KCNH5: variants seen among roughly 807,000 people sequenced by gnomAD.
KCNH5 encodes voltage-gated delayed rectifier potassium channel KCNH5.
A neutral mutation model predicts 96.1 loss-of-function variants in KCNH5; 46 were observed. The ratio of observed to expected loss-of-function variants is 0.48; its 90% CI spans 0.38 to 0.61. The LOEUF is 0.61. Ranked by LOEUF, KCNH5 falls within the 20% of genes least tolerant of loss-of-function variation. The pLI, the probability that KCNH5 is intolerant of heterozygous loss-of-function variation, is 0.00. For synonymous variants in KCNH5, 439 were observed against 449.8 expected (o/e 0.98, Z 0.30); for missense variants, 907 against 1,225.8 (o/e 0.74, Z 3.88).
intron 2 of KCNH5, among the ~76,000 whole-genome samples, chr14:63,014,363 T>C (rs559696954): frequency 2.0e-5 from 3 of 152,178 alleles, no homozygotes; most frequent in African/African-American, 7.2e-5. Flanking sequence ...CACTGTCTTG[T>C]GTCCTGTTGT....
chr14:62,901,925 G>A (rs948717543), intron 7 of KCNH5, among the ~76,000 whole-genome samples: 1 of 152,114 alleles, frequency 6.6e-6, no homozygotes, highest in African/African-American at 2.4e-5. Flanking sequence ...TCTGACTGGT[G>A]TGAGATGGTG....
At chr14:62,966,001 T>C (rs770014163) in intron 6 of KCNH5, among the ~76,000 whole-genome samples, 3 of 152,166 alleles carry the variant, frequency 2.0e-5, no homozygotes, top group Non-Finnish European at 4.4e-5. Context: ...TTCCATGATA[T>C]AGACCTCTTA....
intron 4 of KCNH5, among the ~76,000 whole-genome samples, chr14:62,988,953 C>T (rs1280292405): frequency 6.6e-6 from 1 of 151,896 alleles, no homozygotes; most frequent in African/African-American, 2.4e-5. Flanking sequence ...TGTCAAATGG[C>T]CCCAAGATAT....
intron 7 of KCNH5, among the ~76,000 whole-genome samples, chr14:62,893,530 T>C (rs561928192): frequency 3.2e-4 from 49 of 152,060 alleles, no homozygotes; most frequent in African/African-American, 1.1e-3. Context: ...CCGAAGTAGG[T>C]GGATCACTTG....
intron 1 of KCNH5, among the ~76,000 whole-genome samples, chr14:63,043,017 CATTT>C (rs1891854882): frequency 6.6e-6 from 1 of 152,026 alleles, no homozygotes; most frequent in South Asian, 2.1e-4. Context: ...AGGAAAGAAA[CATTT>C]AACCAATGAA....
intron 7 of KCNH5, among the ~76,000 whole-genome samples, chr14:62,918,670 A>C (rs1889322350): frequency 6.6e-6 from 1 of 152,118 alleles, no homozygotes; most frequent in African/African-American, 2.4e-5. Context: ...AAAACCATAC[A>C]ATAAATTCAA....
At chr14:62,867,328 A>G (rs1595662235) in intron 7 of KCNH5, among the ~76,000 whole-genome samples, 1 of 152,206 alleles carries the variant, frequency 6.6e-6, no homozygotes, top group East Asian at 1.9e-4. Flanking sequence ...TGAATCTCCT[A>G]CAATGGCTTC....
intron 7 of KCNH5, among the ~76,000 whole-genome samples, chr14:62,864,149 T>C (rs1006872505): frequency 6.6e-6 from 1 of 152,186 alleles, no homozygotes; most frequent in Non-Finnish European, 1.5e-5. Flanking sequence ...GCAATAGGAT[T>C]TGTGGGGTTC....
intron 8 of KCNH5, among the ~76,000 whole-genome samples, chr14:62,812,697 C>T (rs1036685312): frequency 5.9e-5 from 9 of 151,978 alleles, no homozygotes; most frequent in East Asian, 1.9e-4. Context: ...TCTTCTCACT[C>T]GTTCTTTGAA....
At chr14:62,866,834 G>T (rs1238396709) in intron 7 of KCNH5, among the ~76,000 whole-genome samples, 1 of 152,030 alleles carries the variant, frequency 6.6e-6, no homozygotes, top group African/African-American at 2.4e-5. Flanking sequence ...CACTGCCCTG[G>T]TCTAGGTACT....
In KCNH5 at chr14:62,700,312, C is replaced by T. The variant is rs945812812; in HGVS notation, c.*7196G>A. The T allele has an allele frequency of 6.6e-6, 1 of 152,262 alleles. No individual in the cohort carries two copies. Among genetic ancestry groups the T allele is most frequent in the Non-Finnish European group, 1.5e-5 (1 of 68,010 alleles). 9.4% of individuals were successfully genotyped at this position (152,262 alleles called of 1,614,324 possible). On this transcript the variant is annotated 3_prime_UTR_variant, in exon 11 of 11. Transcript: ENST00000322893. ...TGGTTCTAAACTGGTTTCCACTTTT[C>T]ATAACAATCACTTAAGAAATCTGTT... is the stretch of plus-strand genomic sequence containing the variant.
intron 10 of KCNH5, among the ~76,000 whole-genome samples, chr14:62,764,970 C>T (rs1336500519): frequency 6.6e-6 from 1 of 152,104 alleles, no homozygotes; most frequent in Non-Finnish European, 1.5e-5. Flanking sequence ...AGATTCAACG[C>T]TATTTCCATC....
chr14:62,763,800 C>T (rs1247931248), intron 10 of KCNH5, among the ~76,000 whole-genome samples: 2 of 152,112 alleles, frequency 1.3e-5, no homozygotes, highest in Non-Finnish European at 1.5e-5. Flanking sequence ...TTGATAAATT[C>T]CTAGAAACAT....
chr14:62,806,597 A>G (rs1019205119), intron 8 of KCNH5, among the ~76,000 whole-genome samples: 2 of 152,066 alleles, frequency 1.3e-5, no homozygotes, highest in African/African-American at 4.8e-5. Flanking sequence ...ACTTTGGGTA[A>G]GTGGTGGGCA....
intron 7 of KCNH5, among the ~76,000 whole-genome samples, chr14:62,899,586 C>T (rs57946857): frequency 1.3e-5 from 2 of 152,046 alleles, no homozygotes; most frequent in Non-Finnish European, 2.9e-5. Flanking sequence ...AATCCCAGCA[C>T]TTTGGGAGGC....
intron 7 of KCNH5, among the ~76,000 whole-genome samples, chr14:62,919,018 C>G (rs915081385): frequency 2.6e-5 from 4 of 151,804 alleles, no homozygotes; most frequent in African/African-American, 9.7e-5. Flanking sequence ...ACTATACAAC[C>G]AATCCAAAAA....
intron 10 of KCNH5, among the ~76,000 whole-genome samples, chr14:62,749,028 T>C (rs1038828623): frequency 6.6e-6 from 1 of 152,152 alleles, no homozygotes; most frequent in African/African-American, 2.4e-5. Context: ...TTGGGTGATA[T>C]TATTTGAATA....
intron 10 of KCNH5, among the ~76,000 whole-genome samples, chr14:62,728,167 G>A (rs1239889268): frequency 6.6e-6 from 1 of 151,290 alleles, no homozygotes; most frequent in African/African-American, 2.4e-5. Context: ...GATCATCTGA[G>A]GTCAGGAGTT....
intron 1 of KCNH5, among the ~76,000 whole-genome samples, chr14:63,027,480 A>G (rs958219119): frequency 1.2e-5 from 1 of 86,506 alleles, no homozygotes; most frequent in Non-Finnish European, 2.2e-5. Context: ...AGTTGGTTTG[A>G]AAAAAAAAAA....
Sources: allele counts gnomAD v4.1 joint callset (sites outside exome capture counted in the v4.1 genomes callset), GRCh38; gene constraint gnomAD v4.1.1; transcripts MANE v1.5; gene names NCBI Gene and HGNC (gene_info 2026-07-23, HGNC 2026-07-21).